The following NKAIN3 variants were observed in gnomAD, a reference collection of about 807,000 sequenced individuals.
The protein encoded by NKAIN3 is sodium/potassium transporting ATPase interacting 3.
Under a neutral mutation model 30.2 loss-of-function variants are expected in NKAIN3, and 25 were observed. The observed-to-expected ratio is 0.83, with a 90% CI of 0.60 to 1.16. The LOEUF (loss-of-function observed/expected upper bound fraction) is 1.16. Ranked by LOEUF, NKAIN3 falls within the 50% of genes most tolerant of loss-of-function variation. The probability of loss-of-function intolerance (pLI) is 0.00; values close to 1 mark genes in which losing one functional copy is unlikely to be tolerated. For synonymous variants in NKAIN3, 91 were observed against 89.6 expected (o/e 1.02, Z -0.09); for missense variants, 225 against 254.1 (o/e 0.89, Z 0.78).
intron 3 of NKAIN3, among the ~76,000 whole-genome samples, chr8:62,713,165 A>T (rs1430438202): frequency 2.0e-5 from 3 of 152,150 alleles, no homozygotes; most frequent in Non-Finnish European, 4.4e-5. Flanking sequence ...GGTCTGAGTA[A>T]GGAGCAGGGA....
chr8:62,888,918 C>G (rs755319276), intron 4 of NKAIN3, among the ~76,000 whole-genome samples: 25 of 152,038 alleles, frequency 1.6e-4, no homozygotes, highest in Non-Finnish European at 2.9e-4. Context: ...TTAATGAGAC[C>G]TTCTTACCTT....
At chr8:62,476,781 C>T (rs1409649131) in intron 1 of NKAIN3, among the ~76,000 whole-genome samples, 1 of 152,074 alleles carries the variant, frequency 6.6e-6, no homozygotes, top group Non-Finnish European at 1.5e-5. Flanking sequence ...AGTCATTGTG[C>T]CCTGCCTCAT....
rs1429841582 is a variant in NKAIN3, at chr8:62,579,665, T to A, written c.181T>A (p.Tyr61Asn). Residue 61 changes from tyrosine to asparagine, a missense_variant, in exon 2 of 7, where the codon TAC (tyrosine) becomes AAC (asparagine). Transcript: ENST00000623646. ...LFGTIQYRPR[Y>N]IMVYTVWTAL... ...TGGGACCATTCAGTACAGACCTCGA[T>A]ACATAATGGTGGTAAGTCTTATTTT... 2.7e-6 allele frequency: 4 copies of A among 1,499,362 alleles called. No homozygotes were observed. 92.9% of individuals were successfully genotyped at this position (1,499,362 alleles called of 1,614,324 possible).
intron 1 of NKAIN3, among the ~76,000 whole-genome samples, chr8:62,531,542 T>A (rs1216693025): frequency 6.6e-6 from 1 of 152,160 alleles, no homozygotes; most frequent in Non-Finnish European, 1.5e-5. Context: ...TGCAGCACTC[T>A]CATCTTTCAT....
intron 1 of NKAIN3, among the ~76,000 whole-genome samples, chr8:62,521,333 T>C (rs1016509577): frequency 6.6e-6 from 1 of 152,132 alleles, no homozygotes; most frequent in Admixed American, 6.6e-5. Context: ...ACATGACTAG[T>C]GCTATAGAGT....
At chr8:62,826,867 T>A (rs1227139244) in intron 4 of NKAIN3, among the ~76,000 whole-genome samples, 1 of 152,214 alleles carries the variant, frequency 6.6e-6, no homozygotes, top group African/African-American at 2.4e-5. Context: ...TAGTCATTGT[T>A]TCAAATCTGG....
intron 1 of NKAIN3, among the ~76,000 whole-genome samples, chr8:62,325,387 G>C (rs1320850140): frequency 6.6e-6 from 1 of 152,038 alleles, no homozygotes; most frequent in East Asian, 1.9e-4. Flanking sequence ...TTGGTTAGAT[G>C]GGCACTTAGG....
At chr8:62,905,190 A>G (rs1821740489) in intron 4 of NKAIN3, among the ~76,000 whole-genome samples, 1 of 152,142 alleles carries the variant, frequency 6.6e-6, no homozygotes. Context: ...GTGCATGCAG[A>G]GATGTGAGAA....
intron 2 of NKAIN3, among the ~76,000 whole-genome samples, chr8:62,587,439 A>G (rs1391022651): frequency 6.6e-6 from 1 of 152,048 alleles, no homozygotes; most frequent in Non-Finnish European, 1.5e-5. Flanking sequence ...TAAATTGCCA[A>G]TTATAGAACA....
Position 62,970,108 on chromosome 8 carries a change from C to T in NKAIN3, c.*4701C>T, listed in dbSNP as rs1044068743. On this transcript the variant is annotated 3_prime_UTR_variant, in exon 7 of 7. Transcript: ENST00000623646. Reference sequence around the variant, plus strand: ...AGCATGGTGGCATGTACCTATGACCCCAGCCACTTGAGGGACTGAGGGAAG... The same window carrying T: ...AGCATGGTGGCATGTACCTATGACCTCAGCCACTTGAGGGACTGAGGGAAG... Among the ~76,000 whole-genome samples the T allele has an allele frequency of 1.5e-5, 2 of 131,084 alleles. No individual in the cohort carries two copies. Among genetic ancestry groups the T allele is most frequent in the Admixed American group, 1.6e-4 (2 of 12,232 alleles). 86.0% of individuals were successfully genotyped at this position (131,084 alleles called of 152,430 possible).
rs75368036 is a variant in NKAIN3 at position 62,456,145 on chromosome 8, T to G, written c.55-123394T>G. ...TCTGGAATTTTTCATTTAATATTTT[T>G]GGGTCACAGTTGGCCACGAGTAACT... On this transcript the variant is annotated intron_variant, in intron 1 of 6. Coordinates refer to ENST00000623646, the MANE Select transcript of NKAIN3 (RefSeq NM_001304533.3). Among the ~76,000 whole-genome samples the G allele has an allele frequency of 6.0e-3, 912 of 152,310 alleles. 11 individuals carry two copies. Among genetic ancestry groups the G allele is most frequent in the African/African-American group, 0.021 (859 of 41,562 alleles).
At chr8:62,557,964 G>T (rs1446792406) in intron 1 of NKAIN3, among the ~76,000 whole-genome samples, 9 of 151,952 alleles carry the variant, frequency 5.9e-5, no homozygotes, top group African/African-American at 1.9e-4. Context: ...TTGAGTTCTT[G>T]GTCGTGAAAT....
chr8:62,313,454 A>G (rs1473782528), intron 1 of NKAIN3, among the ~76,000 whole-genome samples: 1 of 152,144 alleles, frequency 6.6e-6, no homozygotes, highest in Non-Finnish European at 1.5e-5. Flanking sequence ...ACAATAATGC[A>G]ATTATGCATG....
At chr8:62,492,136 T>G (rs558463623) in intron 1 of NKAIN3, among the ~76,000 whole-genome samples, 14 of 152,190 alleles carry the variant, frequency 9.2e-5, no homozygotes, top group African/African-American at 3.4e-4. Context: ...TAGAAAACGT[T>G]TTCAAGAAAT....
At chr8:62,598,980 G>T (rs937466036) in intron 3 of NKAIN3, among the ~76,000 whole-genome samples, 1 of 151,956 alleles carries the variant, frequency 6.6e-6, no homozygotes, top group African/African-American at 2.4e-5. Flanking sequence ...AAGATTAGAG[G>T]TCTCACTGAT....
At chr8:62,868,619 G>T (rs1187786576) in intron 4 of NKAIN3, among the ~76,000 whole-genome samples, 1 of 152,162 alleles carries the variant, frequency 6.6e-6, no homozygotes, top group South Asian at 2.1e-4. Context: ...GGACCCTGTT[G>T]TGATAATGCC....
chr8:62,888,451 A>T (rs948722311), intron 4 of NKAIN3, among the ~76,000 whole-genome samples: 3 of 152,186 alleles, frequency 2.0e-5, no homozygotes, highest in Non-Finnish European at 4.4e-5. Flanking sequence ...CCAACAATTC[A>T]TCAATTACGG....
intron 4 of NKAIN3, among the ~76,000 whole-genome samples, chr8:62,870,641 A>ATATATCTATATATAGATATATAGATATC (rs1472893791): frequency 2.0e-5 from 2 of 100,634 alleles, no homozygotes; most frequent in Non-Finnish European, 4.0e-5. Flanking sequence ...TCTATTTTAT[A>ATATATCTATATATAGATATATAGATATC]TATATATCTA....
At chr8:62,855,030 T>A (rs1323165791) in intron 4 of NKAIN3, 7 of 153,856 alleles carry the variant, frequency 4.5e-5, no homozygotes, top group Non-Finnish European at 1.0e-4. Flanking sequence ...GGGCTGGAAA[T>A]TCTTTTCTTT....
Sources: allele counts gnomAD v4.1 joint callset (sites outside exome capture counted in the v4.1 genomes callset), GRCh38; gene constraint gnomAD v4.1.1; transcripts MANE v1.5; gene names NCBI Gene and HGNC (gene_info 2026-07-23, HGNC 2026-07-21).